Variants in TMTC4 observed in about 807,000 individuals in gnomAD.
TMTC4 encodes the protein transmembrane O-mannosyltransferase targeting cadherins 4.
A neutral mutation model predicts 86.0 loss-of-function variants in TMTC4; 65 were observed. The ratio of observed to expected loss-of-function variants is 0.76; its 90% confidence interval spans 0.62 to 0.93. The LOEUF is 0.93. TMTC4 is among the 40% of genes least tolerant of loss of function. The probability of loss-of-function intolerance (pLI) is 0.00; values close to 1 mark genes in which losing one functional copy is unlikely to be tolerated. For synonymous variants in TMTC4, 379 were observed against 382.5 expected, an observed-to-expected ratio of 0.99 and a Z score of 0.11; for missense variants, 866 against 948.1, an observed-to-expected ratio of 0.91 and a Z score of 1.14.
At chr13:100,674,487 C>CAGCGCG (rs1887577273) in intron 1 of TMTC4, 1 of 677,138 alleles carries the variant, frequency 1.5e-6, no homozygotes, top group South Asian at 6.4e-5. Context: ...GGCCCGAGCG[C>CAGCGCG]GGCGGGCGGG....
At chr13:100,657,271 C>T (rs755703037) in intron 5 of TMTC4, among the ~76,000 whole-genome samples, 3 of 152,218 alleles carry the variant, frequency 2.0e-5, no homozygotes, top group Non-Finnish European at 4.4e-5. Flanking sequence ...GAAAAAGACA[C>T]AGGAGTAATC....
chr13:100,664,466 T>C (rs566002940), intron 3 of TMTC4, 130 bp from the exon 4 acceptor site: 2 of 604,408 alleles, frequency 3.3e-6, no homozygotes, highest in East Asian at 3.1e-5. Context: ...GTTCTCTATG[T>C]TGATATCTCG....
intron 5 of TMTC4, among the ~76,000 whole-genome samples, chr13:100,662,360 C>T (rs1885887612): frequency 1.3e-5 from 2 of 151,630 alleles, no homozygotes; most frequent in Admixed American, 1.3e-4. Flanking sequence ...GCCTGGGAAG[C>T]CCAGAATTTA....
At chr13:100,670,221 C>T (rs2139071751) in intron 2 of TMTC4, 139 bp downstream of exon 2, 1 of 881,880 alleles carries the variant, frequency 1.1e-6, no homozygotes, top group Non-Finnish European at 1.7e-6. Context: ...GTATTTGTTT[C>T]TGGATCTCTA....
At chr13:100,646,559 G>A (rs1231781682) in intron 6 of TMTC4, among the ~76,000 whole-genome samples, 1 of 152,160 alleles carries the variant, frequency 6.6e-6, no homozygotes, top group Non-Finnish European at 1.5e-5. Flanking sequence ...ATTAAACTCT[G>A]GGTTGTTAGA....
At chr13:100,653,033 C>T (rs1386682484) in intron 6 of TMTC4, among the ~76,000 whole-genome samples, 7 of 152,110 alleles carry the variant, frequency 4.6e-5, no homozygotes, top group Admixed American at 2.6e-4. Flanking sequence ...ACACCTTAAC[C>T]GGAATTATTT....
intron 15 of TMTC4, chr13:100,614,951 C>A (rs1436064073): frequency 1.0e-6 from 1 of 985,050 alleles, no homozygotes; most frequent in African/African-American, 1.7e-5. Flanking sequence ...GGTCTCAGGG[C>A]CTCTTCCTGC....
At chr13:100,668,543 C>A in intron 3 of TMTC4, 36 bp downstream of exon 3, 1 of 1,588,688 alleles carries the variant, frequency 6.3e-7, no homozygotes, top group Non-Finnish European at 8.6e-7. Context: ...CACAGTTGGG[C>A]AGTTAAGTTT....
At chr13:100,636,977 T>C (rs527623750) in intron 9 of TMTC4, among the ~76,000 whole-genome samples, 2 of 152,348 alleles carry the variant, frequency 1.3e-5, no homozygotes, top group Non-Finnish European at 1.5e-5. Flanking sequence ...ACATTCGTTA[T>C]ATTTCTGGCA....
chr13:100,657,490 T>G (rs1275750715), intron 5 of TMTC4, among the ~76,000 whole-genome samples: 3 of 152,120 alleles, frequency 2.0e-5, no homozygotes, highest in Non-Finnish European at 4.4e-5. Flanking sequence ...TGTGTTTCTT[T>G]CTTCAGGCTG....
chr13:100,625,348 G>T, intron 15 of TMTC4, 187 bp downstream of exon 15: 3 of 760,908 alleles, frequency 3.9e-6, no homozygotes, highest in Middle Eastern at 3.8e-4. Flanking sequence ...ACACTGTACT[G>T]CTCTCTAATG....
intron 5 of TMTC4, among the ~76,000 whole-genome samples, chr13:100,657,446 C>T (rs1167332477): frequency 6.6e-6 from 1 of 152,242 alleles, no homozygotes; most frequent in East Asian, 1.9e-4. Context: ...CTCTGCCCTT[C>T]CTTTCCTCAG....
In TMTC4 at chr13:100,612,216, T is replaced by C. The variant is rs183531025; in HGVS notation, c.2064+182A>G. 3.5e-3 allele frequency among the ~76,000 whole-genome samples: 534 copies of C among 152,348 alleles called. 6 individuals are homozygous for C. Among genetic ancestry groups the C allele is most frequent in the Non-Finnish European group, 5.3e-3 (360 of 68,030 alleles). ...AATTCTGATGAGAAAGGACACTGGG[T>C]TTGGCCCCACACCGCTGTCTTTGAA... On this transcript the variant is annotated intron_variant, in intron 17 of 18. Transcript: ENST00000342624.
At chr13:100,618,211 T>C (rs565394172) in intron 15 of TMTC4, among the ~76,000 whole-genome samples, 1 of 152,310 alleles carries the variant, frequency 6.6e-6, no homozygotes, top group Admixed American at 6.5e-5. Flanking sequence ...ACTGAAGTTG[T>C]TTATGAGTTC....
intron 2 of TMTC4, among the ~76,000 whole-genome samples, chr13:100,669,333 G>A (rs1009750602): frequency 1.3e-5 from 2 of 152,054 alleles, no homozygotes; most frequent in Non-Finnish European, 1.5e-5. Flanking sequence ...CAGGGGAGTC[G>A]AACAGAGAAA....
At chr13:100,644,054 C>T (rs1883382000) in intron 6 of TMTC4, among the ~76,000 whole-genome samples, 1 of 151,748 alleles carries the variant, frequency 6.6e-6, no homozygotes, top group South Asian at 2.1e-4. Context: ...GCCTTCCTGT[C>T]CTGAAAACAG....
intron 17 of TMTC4, among the ~76,000 whole-genome samples, chr13:100,608,815 G>C (rs1360679409): frequency 6.6e-6 from 1 of 152,056 alleles, no homozygotes; most frequent in Non-Finnish European, 1.5e-5. Flanking sequence ...TTTTTTTTCT[G>C]AACAGAAAGG....
At chr13:100,625,930 C>A in intron 13 of TMTC4, 38 bp from the exon 14 acceptor site, 3 of 1,601,392 alleles carry the variant, frequency 1.9e-6, no homozygotes, top group Non-Finnish European at 2.6e-6. Flanking sequence ...CCATTAAATG[C>A]TCAATAGTAA....
intron 3 of TMTC4, among the ~76,000 whole-genome samples, chr13:100,665,129 C>T (rs1037440793): frequency 1.3e-5 from 2 of 152,028 alleles, no homozygotes; most frequent in Middle Eastern, 3.4e-3. Context: ...AACACTGTAC[C>T]GCTCTTACTG....
Sources: allele counts gnomAD v4.1 joint callset (sites outside exome capture counted in the v4.1 genomes callset), GRCh38; gene constraint gnomAD v4.1.1; transcripts MANE v1.5; gene names NCBI Gene and HGNC (gene_info 2026-07-23, HGNC 2026-07-21).